Variants in SLC38A1 observed in about 807,000 individuals in gnomAD.
The protein encoded by SLC38A1 is solute carrier family 38 member 1, also known as sodium-coupled neutral amino acid symporter 1.
SLC38A1 carries 18 observed loss-of-function variants against 60.3 expected under a neutral mutation model. The ratio of observed to expected loss-of-function variants is 0.30; its 90% CI spans 0.21 to 0.44. The LOEUF (loss-of-function observed/expected upper bound fraction) is 0.44, where lower values mean the gene tolerates loss of function less well. Ranked by LOEUF, SLC38A1 falls within the 20% of genes least tolerant of loss-of-function variation. The pLI, the probability that SLC38A1 is intolerant of heterozygous loss-of-function variation, is 1.00. For missense variants in SLC38A1, 448 were observed against 587.2 expected (o/e 0.76, Z 2.45); for synonymous variants, 196 against 212.1 (o/e 0.92, Z 0.66).
chr12:46,232,369 A>T (rs1941110472), intron 3 of SLC38A1, among the ~76,000 whole-genome samples: 1 of 152,264 alleles, frequency 6.6e-6, no homozygotes, highest in African/African-American at 2.4e-5. Flanking sequence ...AAACTAAAAG[A>T]CAAAAGCCTA....
chr12:46,248,491 T>C (rs966354310), intron 1 of SLC38A1, among the ~76,000 whole-genome samples: 4 of 152,120 alleles, frequency 2.6e-5, no homozygotes, highest in Admixed American at 2.0e-4. Flanking sequence ...CTATCCTAAA[T>C]ATATATGCAC....
intron 5 of SLC38A1, among the ~76,000 whole-genome samples, chr12:46,216,905 G>T (rs761608736): frequency 9.2e-5 from 14 of 151,938 alleles, no homozygotes; most frequent in Non-Finnish European, 1.8e-4. Context: ...ATGGAAAGAG[G>T]CAGGCCCAAA....
chr12:46,256,961 G>T (rs937994220), intron 1 of SLC38A1, among the ~76,000 whole-genome samples: 1 of 152,096 alleles, frequency 6.6e-6, no homozygotes, highest in Non-Finnish European at 1.5e-5. Context: ...GTCACCCTGA[G>T]TAATAGAAAA....
In SLC38A1 at chr12:46,230,306, A is replaced by G. The variant is rs527299964; in HGVS notation, c.123-667T>C. ...TAATAAGTGATGCAAACAGGAGGCTACAGGAGTTCAGACTAGGAAATTACG... is the reference window on the plus strand; with the variant it reads ...TAATAAGTGATGCAAACAGGAGGCTGCAGGAGTTCAGACTAGGAAATTACG... On this transcript the variant is annotated intron_variant, in intron 3 of 16. Transcript: ENST00000398637. 4.6e-5 allele frequency among the ~76,000 whole-genome samples: 7 copies of G among 152,340 alleles called. 1 individual carries two copies. The highest frequency in any genetic ancestry group is 4.6e-4 in the Admixed American group (7 of 15,300).
At chr12:46,216,392 A>G (rs1415173980) in intron 5 of SLC38A1, among the ~76,000 whole-genome samples, 1 of 152,170 alleles carries the variant, frequency 6.6e-6, no homozygotes, top group Non-Finnish European at 1.5e-5. Context: ...GGGGTTTTCC[A>G]GGCAAGTGTG....
At chr12:46,266,789 A>G (rs1023259371) in intron 1 of SLC38A1, among the ~76,000 whole-genome samples, 2 of 152,158 alleles carry the variant, frequency 1.3e-5, no homozygotes, top group African/African-American at 4.8e-5. Flanking sequence ...TAAAAAGCGA[A>G]TAAACCTCAA....
At chr12:46,234,992 G>T (rs1226643226) in intron 3 of SLC38A1, among the ~76,000 whole-genome samples, 3 of 152,194 alleles carry the variant, frequency 2.0e-5, no homozygotes, top group African/African-American at 7.2e-5. Context: ...CTCATTGGGT[G>T]TGTCTGTACC....
At chr12:46,252,934 A>T (rs923868014) in intron 1 of SLC38A1, among the ~76,000 whole-genome samples, 5 of 152,044 alleles carry the variant, frequency 3.3e-5, no homozygotes, top group African/African-American at 1.2e-4. Flanking sequence ...TGGTAAGTAA[A>T]ACAATCCAGA....
intron 16 of SLC38A1, 80 bp from the exon 17 acceptor site, chr12:46,189,151 G>T: frequency 1.0e-6 from 1 of 986,750 alleles, no homozygotes; most frequent in East Asian, 2.5e-5. Flanking sequence ...AAATAGAACA[G>T]TTTTTCCTCT....
At chr12:46,211,061 T>C (rs755547390) in intron 5 of SLC38A1, among the ~76,000 whole-genome samples, 50 of 149,416 alleles carry the variant, frequency 3.3e-4, no homozygotes, top group East Asian at 9.7e-4. Context: ...TGTGGCATGA[T>C]TTTTTTTCCC....
At chr12:46,253,618 G>A (rs1437055818) in intron 1 of SLC38A1, among the ~76,000 whole-genome samples, 1 of 152,186 alleles carries the variant, frequency 6.6e-6, no homozygotes, top group Non-Finnish European at 1.5e-5. Flanking sequence ...TTTATGACCT[G>A]TACTTTGTGC....
chr12:46,266,732 T>G (rs1336502628), intron 1 of SLC38A1, among the ~76,000 whole-genome samples: 1 of 152,168 alleles, frequency 6.6e-6, no homozygotes, highest in Non-Finnish European at 1.5e-5. Flanking sequence ...TTGCTGCCAG[T>G]CGCACAGTAA....
chr12:46,244,880 C>G (rs1298547895), intron 1 of SLC38A1, among the ~76,000 whole-genome samples: 1 of 152,138 alleles, frequency 6.6e-6, no homozygotes, highest in African/African-American at 2.4e-5. Context: ...CATTTTATTT[C>G]TCCCTTAAAA....
Position 46,188,090 on chromosome 12 carries a change from A to C in SLC38A1, c.*880T>G, listed in dbSNP as rs1456882665. The C allele has an allele frequency of 2.0e-5, 3 of 152,168 alleles. No homozygotes were observed. The highest frequency in any genetic ancestry group is 4.4e-5 in the Non-Finnish European group (3 of 68,032). 9.4% of individuals were successfully genotyped at this position (152,168 alleles called of 1,614,324 possible). A position where few individuals can be genotyped will look rare whatever the true frequency, so the allele number is the denominator to read the frequency against. On this transcript the variant is annotated 3_prime_UTR_variant, in exon 17 of 17. Coordinates refer to ENST00000398637, the MANE Select transcript of SLC38A1 (RefSeq NM_030674.4). ...CAAGACAGGTAGGGTTGAAGGCTAA[A>C]TGCATCAGAGGAGTATTTTCTTAGG...
chr12:46,198,098 C>T, intron 14 of SLC38A1, 38 bp from the exon 15 acceptor site: 3 of 1,603,320 alleles, frequency 1.9e-6, no homozygotes, highest in Non-Finnish European at 2.6e-6. Context: ...TAAGTGCCTA[C>T]AGCATGCCAA....
In SLC38A1 at chr12:46,239,533, G is replaced by A. The variant is rs536844425; in HGVS notation, c.122+146C>T. ...AGAGACGGGGTTTCACCATGTTGGTGGGTTTCACCATGTTGGTCAGGCTGG... is the reference window on the plus strand; with the variant it reads ...AGAGACGGGGTTTCACCATGTTGGTAGGTTTCACCATGTTGGTCAGGCTGG... On this transcript the variant is annotated intron_variant, in intron 3 of 16. Coordinates refer to ENST00000398637, the MANE Select transcript of SLC38A1 (RefSeq NM_030674.4). 6 of 769,350 alleles carry A rather than the reference G, an allele frequency of 7.8e-6. No homozygotes were observed. The Admixed American group carries it at 9.2e-5, about 12-fold the overall frequency. The allele number at this position is 769,350 out of a possible 1,614,324, so 47.7% of individuals were successfully genotyped here. A position where few individuals can be genotyped will look rare whatever the true frequency, so the allele number is the denominator to read the frequency against.
In SLC38A1 at chr12:46,183,631, A is replaced by G. The variant is rs1938842822; in HGVS notation, c.*5339T>C. The G allele has an allele frequency of 6.6e-6, 1 of 152,202 alleles. No homozygotes were observed. The highest frequency in any genetic ancestry group is 2.4e-5 in the African/African-American group (1 of 41,468). 9.4% of individuals were successfully genotyped at this position (152,202 alleles called of 1,614,324 possible). ...CTGTGTAGTGGTATCAGTGTTAAAA[A>G]TGGAAGATCATTATGAAGAAACAAT... On this transcript the variant is annotated 3_prime_UTR_variant, in exon 17 of 17. Coordinates refer to ENST00000398637, the MANE Select transcript of SLC38A1 (RefSeq NM_030674.4).
rs1940750385 is a variant in SLC38A1, at chr12:46,223,651, TC to T, written c.314+5501del. On this transcript the variant is annotated intron_variant, in intron 5 of 16. Transcript: ENST00000398637. Reference sequence around the variant, plus strand: ...GAATCCAAAAGGTCTGGTATTATAATCAACCAAATAAAATTTAAACTATTGT... The same window carrying T: ...GAATCCAAAAGGTCTGGTATTATAATAACCAAATAAAATTTAAACTATTGT... Among the ~76,000 whole-genome samples the T allele has an allele frequency of 3.3e-5, 3 of 90,530 alleles. No individual in the cohort carries two copies. In the South Asian group the frequency reaches 1.0e-3, roughly 30 times the overall value. The allele number at this position is 90,530 out of a possible 152,430, so 59.4% of individuals were successfully genotyped here. A position where few individuals can be genotyped will look rare whatever the true frequency, so the allele number is the denominator to read the frequency against.
chr12:46,196,928 C>T (rs1939403527), intron 16 of SLC38A1, among the ~76,000 whole-genome samples: 1 of 152,142 alleles, frequency 6.6e-6, no homozygotes, highest in South Asian at 2.1e-4. Context: ...TCTGTTGTTC[C>T]AAAGCATATC....
Sources: gnomAD v4.1 joint callset for allele counts (sites outside exome capture counted in the v4.1 genomes callset) on GRCh38, gnomAD v4.1.1 for gene constraint, MANE v1.5 for transcripts, NCBI Gene and HGNC (gene_info 2026-07-23, HGNC 2026-07-21) for gene names.